The following TXLNB variants were observed in gnomAD, a reference collection of about 807,000 sequenced individuals.
The protein encoded by TXLNB is taxilin beta, also known as beta-taxilin.
In TXLNB, 37 loss-of-function variants were observed where a neutral mutation model predicts 57.4. That is an observed-to-expected ratio of 0.64 (90% confidence interval 0.50 to 0.85). The LOEUF (loss-of-function observed/expected upper bound fraction) is 0.85, where lower values mean the gene tolerates loss of function less well. Ranked by LOEUF, TXLNB falls within the 40% of genes least tolerant of loss-of-function variation. The probability of loss-of-function intolerance (pLI) is 0.00; values close to 1 mark genes in which losing one functional copy is unlikely to be tolerated. For synonymous variants in TXLNB, 302 were observed against 309.6 expected (o/e 0.98, Z 0.26); for missense variants, 848 against 825.6 (o/e 1.03, Z -0.33).
the TXLNB span, chr6:139,169,816 C>T: frequency 6.6e-6 from 1 of 152,208 alleles, no homozygotes; most frequent in Admixed American, 6.5e-5. Flanking sequence ...TAACATCACT[C>T]CTGTCACATT....
the TXLNB span, among the ~76,000 whole-genome samples, chr6:139,188,460 T>C: frequency 2.0e-5 from 3 of 152,190 alleles, no homozygotes; most frequent in African/African-American, 4.8e-5. Flanking sequence ...TTTGTTTCTC[T>C]TATCTAAAAC....
the TXLNB span, among the ~76,000 whole-genome samples, chr6:139,318,882 C>A: frequency 6.7e-6 from 1 of 149,564 alleles, no homozygotes; most frequent in Non-Finnish European, 1.5e-5. Context: ...GGTAGTTAGC[C>A]TTTTTTTGAG....
chr6:139,242,661 G>A lies in TXLNB; in HGVS notation c.1920C>T (p.His640=), dbSNP rs1001500660. Reference sequence around the variant, plus strand: ...CGCATGCAGGCACCATGGCTGCAACGTGCTCTTCTGCTGCGCATGCTGGAG... The same window carrying A: ...CGCATGCAGGCACCATGGCTGCAACATGCTCTTCTGCTGCGCATGCTGGAG... ...VPAPACAAEE[H]VAAMVPACEP... is the part of the protein sequence containing the mutation. The change falls in exon 10 of 10, where the codon CAC becomes CAT. Residue 640 remains histidine (H), a synonymous_variant. Transcript: ENST00000358430. 3 of 1,610,552 alleles carry A rather than the reference G, an allele frequency of 1.9e-6. No individual in the cohort carries two copies. Among genetic ancestry groups the A allele is most frequent in the Admixed American group, 1.7e-5 (1 of 59,408 alleles).
At chr6:139,297,485 A>T in the TXLNB span, among the ~76,000 whole-genome samples, 1 of 152,222 alleles carries the variant, frequency 6.6e-6, no homozygotes, top group Non-Finnish European at 1.5e-5. Context: ...CAAGTATAGA[A>T]GTTTATAAAT....
At chr6:139,184,030 C>T in the TXLNB span, among the ~76,000 whole-genome samples, 2 of 152,166 alleles carry the variant, frequency 1.3e-5, no homozygotes, top group African/African-American at 4.8e-5. Flanking sequence ...AGCATGCTTT[C>T]AGAGAGCTGC....
chr6:139,298,051 A>G, the TXLNB span, among the ~76,000 whole-genome samples: 4 of 152,250 alleles, frequency 2.6e-5, no homozygotes, highest in African/African-American at 7.2e-5. Context: ...ACAATATTCA[A>G]TTCCCATGGT....
At chr6:139,220,985 G>A in the TXLNB span, among the ~76,000 whole-genome samples, 1 of 152,166 alleles carries the variant, frequency 6.6e-6, no homozygotes, top group East Asian at 1.9e-4. Flanking sequence ...AGTTGTTGCA[G>A]GGTAACCCTG....
At chr6:139,321,730 C>A in the TXLNB span, among the ~76,000 whole-genome samples, 2 of 142,508 alleles carry the variant, frequency 1.4e-5, no homozygotes, top group Non-Finnish European at 3.0e-5. Context: ...CTCCCGGGTT[C>A]ACACCATTCT....
the TXLNB span, among the ~76,000 whole-genome samples, chr6:139,314,371 G>A: frequency 6.6e-6 from 1 of 152,148 alleles, no homozygotes; most frequent in Non-Finnish European, 1.5e-5. Flanking sequence ...TCTTTCTGCT[G>A]ACTTACACTC....
the TXLNB span, among the ~76,000 whole-genome samples, chr6:139,213,095 A>G: frequency 6.6e-6 from 1 of 152,206 alleles, no homozygotes; most frequent in South Asian, 2.1e-4. Context: ...AAGGATATCC[A>G]GGAATTGAAC....
At chr6:139,254,315 T>TTGTGTGTGTGTGTGTGTGTG (rs60108019) in intron 7 of TXLNB, among the ~76,000 whole-genome samples, 12 of 150,122 alleles carry the variant, frequency 8.0e-5, no homozygotes, top group African/African-American at 2.7e-4. Flanking sequence ...TGAACACGAT[T>TTGTGTGTGTGTGTGTGTGTG]TGTGTGTGTG....
chr6:139,173,827 A>G, the TXLNB span, among the ~76,000 whole-genome samples: 1 of 152,252 alleles, frequency 6.6e-6, no homozygotes, highest in South Asian at 2.1e-4. Context: ...CGAGTAAGAT[A>G]TAATTCTGGT....
the TXLNB span, among the ~76,000 whole-genome samples, chr6:139,314,292 T>G: frequency 6.6e-5 from 10 of 152,222 alleles, no homozygotes; most frequent in African/African-American, 2.4e-4. Flanking sequence ...GCCTATGACC[T>G]GGAAGTTTCA....
At chr6:139,217,693 CCT>C in the TXLNB span, among the ~76,000 whole-genome samples, 17 of 151,530 alleles carry the variant, frequency 1.1e-4, no homozygotes, top group African/African-American at 3.2e-4. Context: ...GCGGTGAAAC[CCT>C]GTTTCTACTA....
chr6:139,167,844 G>A, the TXLNB span, among the ~76,000 whole-genome samples: 1 of 152,144 alleles, frequency 6.6e-6, no homozygotes, highest in African/African-American at 2.4e-5. Flanking sequence ...CGGTGGTGGT[G>A]GTGGAAGGAG....
chr6:139,272,430 T>C (rs1776787986), intron 3 of TXLNB, among the ~76,000 whole-genome samples: 1 of 152,212 alleles, frequency 6.6e-6, no homozygotes, highest in Non-Finnish European at 1.5e-5. Context: ...CACCCTAAAA[T>C]AAGCATTTTA....
chr6:139,228,208 C>T, the TXLNB span, among the ~76,000 whole-genome samples: 1 of 152,062 alleles, frequency 6.6e-6, no homozygotes, highest in Admixed American at 6.6e-5. Context: ...AGCAACGCAA[C>T]CATACCCTCT....
the TXLNB span, among the ~76,000 whole-genome samples, chr6:139,162,970 AAG>A: frequency 6.6e-6 from 1 of 152,152 alleles, no homozygotes; most frequent in East Asian, 1.9e-4. Context: ...ACCCTCTGGA[AAG>A]AGTTTCCTGG....
the TXLNB span, among the ~76,000 whole-genome samples, chr6:139,182,587 G>A: frequency 6.6e-6 from 1 of 152,116 alleles, no homozygotes; most frequent in African/African-American, 2.4e-5. Context: ...TTCAAAGGGG[G>A]AAGAAATTCT....
Sources: gnomAD v4.1 joint callset for allele counts (sites outside exome capture counted in the v4.1 genomes callset) on GRCh38, gnomAD v4.1.1 for gene constraint, MANE v1.5 for transcripts, NCBI Gene and HGNC (gene_info 2026-07-23, HGNC 2026-07-21) for gene names.